Variants in CNTNAP2 observed in about 807,000 individuals in gnomAD.
CNTNAP2 encodes contactin-associated protein-like 2.
A neutral mutation model predicts 155.2 loss-of-function variants in CNTNAP2; 98 were observed. The ratio of observed to expected loss-of-function variants is 0.63; its 90% CI spans 0.54 to 0.75. The LOEUF is 0.75. Among genes scored for constraint, CNTNAP2 ranks in the 30% least tolerant of loss-of-function variants. The pLI, the probability that CNTNAP2 is intolerant of heterozygous loss-of-function variation, is 0.00. For missense variants in CNTNAP2, 1,727 were observed against 1,688.1 expected, an observed-to-expected ratio of 1.02 and a Z score of -0.40; for synonymous variants, 651 against 631.2, an observed-to-expected ratio of 1.03 and a Z score of -0.47.
chr7:147,784,861 C>T (rs938221986), intron 13 of CNTNAP2, among the ~76,000 whole-genome samples: 22 of 151,870 alleles, frequency 1.4e-4, no homozygotes, highest in African/African-American at 5.3e-4. Flanking sequence ...CCATCACCTT[C>T]AGTAGCTATG....
At chr7:146,156,673 G>T (rs561022712) in intron 1 of CNTNAP2, among the ~76,000 whole-genome samples, 1 of 152,088 alleles carries the variant, frequency 6.6e-6, no homozygotes, top group East Asian at 1.9e-4. Flanking sequence ...CACAATTTCG[G>T]CTCACTATAA....
chr7:146,382,714 C>G (rs1213599451), intron 1 of CNTNAP2, among the ~76,000 whole-genome samples: 2 of 152,066 alleles, frequency 1.3e-5, no homozygotes, highest in African/African-American at 4.8e-5. Flanking sequence ...AATCCAATCT[C>G]CATATCAGGA....
At position 147,743,009 on chromosome 7, in the gene CNTNAP2, A is replaced by G. The variant is rs189606967; in HGVS notation, c.2098+103703A>G. ...CAGTTTCATCACACAGTAAAAGTCT[A>G]TGCTGGCTGTCATAATTTTTTATAA... On this transcript the variant is annotated intron_variant, in intron 13 of 23. Coordinates refer to ENST00000361727, the MANE Select transcript of CNTNAP2 (RefSeq NM_014141.6). Among the ~76,000 whole-genome samples, 6 of 152,360 alleles carry G rather than the reference A, an allele frequency of 3.9e-5. No homozygotes were observed. In the East Asian group the frequency reaches 1.2e-3, roughly 29 times the overall value.
chr7:146,930,395 T>C (rs904813885), intron 3 of CNTNAP2, among the ~76,000 whole-genome samples: 2 of 151,826 alleles, frequency 1.3e-5, no homozygotes, highest in Non-Finnish European at 2.9e-5. Context: ...TGCTGAGAGA[T>C]TTTGTCACCA....
At chr7:146,727,435 C>T (rs975634322) in intron 1 of CNTNAP2, among the ~76,000 whole-genome samples, 3 of 152,128 alleles carry the variant, frequency 2.0e-5, no homozygotes, top group African/African-American at 7.2e-5. Context: ...AGGGCACTTA[C>T]CACAGGAAGG....
intron 16 of CNTNAP2, among the ~76,000 whole-genome samples, chr7:148,131,346 C>T (rs2116628545): frequency 6.6e-6 from 1 of 152,196 alleles, no homozygotes; most frequent in South Asian, 2.1e-4. Context: ...ATCTGCCTGC[C>T]TTGACCTACC....
At chr7:146,693,969 A>G (rs75988496) in intron 1 of CNTNAP2, among the ~76,000 whole-genome samples, 2,420 of 152,176 alleles carry the variant, frequency 0.016, 69 homozygotes, top group African/African-American at 0.056. Flanking sequence ...CCTAATTTTA[A>G]GTGAGAACAA....
intron 1 of CNTNAP2, among the ~76,000 whole-genome samples, chr7:146,261,312 G>C (rs1387346597): frequency 1.3e-5 from 2 of 151,710 alleles, no homozygotes; most frequent in Admixed American, 6.6e-5. Context: ...TTATTGATAA[G>C]AATCACAATG....
At chr7:146,271,360 T>G (rs1009131693) in intron 1 of CNTNAP2, among the ~76,000 whole-genome samples, 1 of 152,094 alleles carries the variant, frequency 6.6e-6, no homozygotes, top group Non-Finnish European at 1.5e-5. Context: ...ATTGTTTTGA[T>G]GTATCTAATA....
At chr7:146,925,360 G>C (rs1217592585) in intron 3 of CNTNAP2, among the ~76,000 whole-genome samples, 1 of 151,716 alleles carries the variant, frequency 6.6e-6, no homozygotes, top group Non-Finnish European at 1.5e-5. Flanking sequence ...AATCAATGTT[G>C]GACATTATTA....
At position 147,132,489 on chromosome 7, in the gene CNTNAP2, G is replaced by A. The variant is rs1064794457; in HGVS notation, c.1328G>A (p.Ser443Asn). The change falls in exon 8 of 24, where the codon AGC (serine) becomes AAC (asparagine). Residue 443 changes from serine (S) to asparagine (N), a missense_variant. Coordinates refer to ENST00000361727, the MANE Select transcript of CNTNAP2 (RefSeq NM_014141.6). ...VHINITQTKM[S>N]QIDISSGSGL... The stretch of plus-strand genomic sequence containing the variant: ...ATCAACATCACACAGACCAAGATGA[G>A]CCAAATCGATATTTCCTCAGGTCAG... 1.2e-6 allele frequency: 2 copies of A among 1,613,536 alleles called. No individual in the cohort carries two copies. The highest frequency in any genetic ancestry group is 1.7e-6 in the Non-Finnish European group (2 of 1,179,662).
chr7:146,900,831 G>A (rs969510863), intron 3 of CNTNAP2, among the ~76,000 whole-genome samples: 2 of 152,040 alleles, frequency 1.3e-5, no homozygotes, highest in African/African-American at 2.4e-5. Context: ...TACCTGCACC[G>A]AGTCTCTTGG....
chr7:146,131,008 G>A (rs963834864), intron 1 of CNTNAP2, among the ~76,000 whole-genome samples: 8 of 152,218 alleles, frequency 5.3e-5, no homozygotes, highest in African/African-American at 1.9e-4. Context: ...AATTCAAGAT[G>A]AGATTTGGGT....
At chr7:147,647,898 T>A (rs1584878401) in intron 13 of CNTNAP2, among the ~76,000 whole-genome samples, 1 of 152,004 alleles carries the variant, frequency 6.6e-6, no homozygotes, top group African/African-American at 2.4e-5. Flanking sequence ...GCAAGAAAAT[T>A]GAGGTATGGT....
chr7:147,982,055 A>G (rs989048200), intron 15 of CNTNAP2, among the ~76,000 whole-genome samples: 14 of 152,222 alleles, frequency 9.2e-5, no homozygotes, highest in Admixed American at 5.9e-4. Context: ...ATATGTAATC[A>G]TCTTTGCAGA....
intron 11 of CNTNAP2, among the ~76,000 whole-genome samples, chr7:147,494,123 C>G (rs1313549284): frequency 1.3e-5 from 2 of 152,102 alleles, no homozygotes; most frequent in African/African-American, 4.8e-5. Context: ...AAACAATCAT[C>G]CCAGCAGCTC....
At chr7:148,389,118 T>C (rs565824296) in intron 22 of CNTNAP2, among the ~76,000 whole-genome samples, 1 of 152,354 alleles carries the variant, frequency 6.6e-6, no homozygotes, top group East Asian at 1.9e-4. Context: ...TGCTGGGAGC[T>C]GTAGACTGGA....
intron 15 of CNTNAP2, among the ~76,000 whole-genome samples, chr7:147,996,843 A>G (rs1464705056): frequency 2.0e-5 from 3 of 152,228 alleles, no homozygotes; most frequent in Non-Finnish European, 4.4e-5. Context: ...AATGGTAAAC[A>G]TTTTGAGCAC....
intron 13 of CNTNAP2, among the ~76,000 whole-genome samples, chr7:147,771,442 G>A (rs531326912): frequency 6.6e-6 from 1 of 152,272 alleles, no homozygotes; most frequent in East Asian, 1.9e-4. Flanking sequence ...TCCCTAAGGG[G>A]GCTGAATGAG....
Sources: gnomAD v4.1 joint callset for allele counts (sites outside exome capture counted in the v4.1 genomes callset) on GRCh38, gnomAD v4.1.1 for gene constraint, MANE v1.5 for transcripts, NCBI Gene and HGNC (gene_info 2026-07-23, HGNC 2026-07-21) for gene names.